Variants in PCBP3 observed in about 807,000 individuals in gnomAD.
PCBP3 encodes poly(rC)-binding protein 3.
Under a neutral mutation model 52.7 loss-of-function variants are expected in PCBP3, and 25 were observed. The ratio of observed to expected loss-of-function variants is 0.47; its 90% CI spans 0.35 to 0.66. PCBP3 has a LOEUF of 0.66. Ranked by LOEUF, PCBP3 falls within the 30% of genes least tolerant of loss-of-function variation. The probability of loss-of-function intolerance (pLI) is 0.01; values close to 1 mark genes in which losing one functional copy is unlikely to be tolerated. For missense variants in PCBP3, 391 were observed against 490.3 expected (o/e 0.80, Z 1.91); for synonymous variants, 162 against 183.0 (o/e 0.89, Z 0.93).
intron 5 of PCBP3, among the ~76,000 whole-genome samples, chr21:45,854,495 G>C (rs773359603): frequency 6.6e-6 from 1 of 152,240 alleles, no homozygotes; most frequent in Middle Eastern, 3.4e-3. Context: ...ACCGCTACAC[G>C]TGGAATTATA....
intron 11 of PCBP3, among the ~76,000 whole-genome samples, chr21:45,913,411 C>T (rs754041116): frequency 7.9e-5 from 12 of 152,186 alleles, no homozygotes; most frequent in African/African-American, 2.4e-4. Context: ...TGGAGTCCTA[C>T]AGGGCTCAAC....
At chr21:45,868,885 G>C (rs2094877459) in intron 5 of PCBP3, among the ~76,000 whole-genome samples, 1 of 152,248 alleles carries the variant, frequency 6.6e-6, no homozygotes, top group Admixed American at 6.5e-5. Flanking sequence ...GCTTTGGGCA[G>C]CTCGGTGGAC....
At chr21:45,823,869 G>A (rs947874385) in intron 4 of PCBP3, among the ~76,000 whole-genome samples, 10 of 152,192 alleles carry the variant, frequency 6.6e-5, no homozygotes, top group African/African-American at 2.2e-4. Flanking sequence ...AGCCTCCTGA[G>A]TAGCTGGGAT....
chr21:45,930,097 G>C (rs1272161707), intron 14 of PCBP3, 102 bp downstream of exon 14: 2 of 575,584 alleles, frequency 3.5e-6, no homozygotes, highest in Non-Finnish European at 5.7e-6. Flanking sequence ...GGTGCAGTTG[G>C]ATTTGTGAGT....
At chr21:45,754,760 G>T (rs1201425139) in intron 3 of PCBP3, among the ~76,000 whole-genome samples, 1 of 152,160 alleles carries the variant, frequency 6.6e-6, no homozygotes, top group East Asian at 1.9e-4. Context: ...GCATGGAAGA[G>T]ATTTTATTCT....
chr21:45,650,596 G>A (rs935354526), intron 1 of PCBP3, among the ~76,000 whole-genome samples: 8 of 152,068 alleles, frequency 5.3e-5, no homozygotes, highest in Admixed American at 6.6e-5. Context: ...GATTATAGGC[G>A]CAAACCACCA....
At chr21:45,864,510 AC>A (rs1464485577) in intron 5 of PCBP3, among the ~76,000 whole-genome samples, 1 of 152,192 alleles carries the variant, frequency 6.6e-6, no homozygotes, top group Non-Finnish European at 1.5e-5. Flanking sequence ...TTATATTTTC[AC>A]CTATTGTAAA....
intron 1 of PCBP3, among the ~76,000 whole-genome samples, chr21:45,646,028 A>T (rs898877569): frequency 3.4e-5 from 5 of 146,414 alleles, no homozygotes; most frequent in African/African-American, 1.3e-4. Flanking sequence ...CCCGCTGTCC[A>T]TGGTGCTGAA....
chr21:45,707,994 G>T (rs2083567300), intron 2 of PCBP3, among the ~76,000 whole-genome samples: 1 of 152,184 alleles, frequency 6.6e-6, no homozygotes, highest in South Asian at 2.1e-4. Context: ...CTGGTGTCAG[G>T]ATTTAGCCCA....
intron 4 of PCBP3, chr21:45,832,650 T>C (rs2093480894): frequency 6.6e-6 from 1 of 152,232 alleles, no homozygotes; most frequent in Non-Finnish European, 1.5e-5. Context: ...CTCCTGACAT[T>C]GAGCACTCCT....
rs887122117 is a variant in PCBP3, at chr21:45,817,469, T to C, written c.-125-32492T>C. The stretch of plus-strand genomic sequence containing the variant: ...ATCTTCCTGCAGTTTGGGGGCCCCG[T>C]CTCCTCTTAGCTCTTGCCTCTGCTG... On this transcript the variant is annotated intron_variant, in intron 4 of 17. Coordinates refer to ENST00000681687, the MANE Select transcript of PCBP3 (RefSeq NM_001384156.1). The surrounding 1 kb of genome is among the most constrained non-coding windows in gnomAD (Gnocchi z 4.3). Among the ~76,000 whole-genome samples, 1 of 152,240 alleles carries C rather than the reference T, an allele frequency of 6.6e-6. No homozygotes were observed. The highest frequency in any genetic ancestry group is 1.5e-5 in the Non-Finnish European group (1 of 68,040).
chr21:45,767,134 G>A (rs1415055258), intron 4 of PCBP3, among the ~76,000 whole-genome samples: 2 of 152,076 alleles, frequency 1.3e-5, no homozygotes, highest in South Asian at 2.1e-4. Flanking sequence ...TTCATGCTAC[G>A]CAGCCACCAC....
At chr21:45,783,006 A>G (rs1337425790) in intron 4 of PCBP3, among the ~76,000 whole-genome samples, 1 of 152,262 alleles carries the variant, frequency 6.6e-6, no homozygotes, top group Admixed American at 6.5e-5. Context: ...ATACAGACTG[A>G]TCTCATATAA....
chr21:45,792,256 G>T (rs921161207), intron 4 of PCBP3, among the ~76,000 whole-genome samples: 1 of 152,264 alleles, frequency 6.6e-6, no homozygotes, highest in East Asian at 1.9e-4. Context: ...GCAGCAACCC[G>T]CAGAGCTGCG....
At chr21:45,930,441 C>A (rs2076034000) in intron 14 of PCBP3, among the ~76,000 whole-genome samples, 1 of 152,208 alleles carries the variant, frequency 6.6e-6, no homozygotes, top group Non-Finnish European at 1.5e-5. Context: ...TGGCACCCAG[C>A]CCTGCCCCAG....
intron 2 of PCBP3, among the ~76,000 whole-genome samples, chr21:45,696,523 T>TGG (rs1374005150): frequency 1.3e-5 from 2 of 152,152 alleles, no homozygotes; most frequent in Non-Finnish European, 2.9e-5. Flanking sequence ...CTGGGTGCGG[T>TGG]GGTTCATGCC....
chr21:45,765,398 G>A (rs1022573817), intron 4 of PCBP3, among the ~76,000 whole-genome samples: 2 of 152,218 alleles, frequency 1.3e-5, no homozygotes, highest in Non-Finnish European at 2.9e-5. Context: ...GTCCTGAAGT[G>A]AAGTTGGTAG....
chr21:45,910,181 A>AC (rs371181039), intron 10 of PCBP3, among the ~76,000 whole-genome samples: 7 of 464 alleles, frequency 0.015, 1 homozygote, highest in Admixed American at 0.02. Flanking sequence ...CCAGATACGG[A>AC]CCCCCCCCAC....
chr21:45,916,514 G>A (rs1381451140), intron 12 of PCBP3: 1 of 152,300 alleles, frequency 6.6e-6, no homozygotes, highest in Non-Finnish European at 1.5e-5. Context: ...GGATTGGGTT[G>A]TTTATGATGA....
Sources: gnomAD v4.1 joint callset for allele counts (sites outside exome capture counted in the v4.1 genomes callset) on GRCh38, gnomAD v4.1.1 for gene constraint, Gnocchi (gnomAD v3.1) non-coding constraint, MANE v1.5 for transcripts, NCBI Gene and HGNC (gene_info 2026-07-23, HGNC 2026-07-21) for gene names.